Variants in TFEC observed in about 807,000 individuals in gnomAD.
TFEC encodes transcription factor EC, also known as class E basic helix-loop-helix protein 34.
A neutral mutation model predicts 41.6 loss-of-function variants in TFEC; 31 were observed. The observed-to-expected ratio is 0.74, with a 90% CI of 0.56 to 1.01. The LOEUF (loss-of-function observed/expected upper bound fraction) is 1.01. TFEC is among the 50% of genes least tolerant of loss of function. The pLI is 0.00. For missense variants in TFEC, 402 were observed against 404.1 expected (o/e 0.99, Z 0.04); for synonymous variants, 143 against 140.6 (o/e 1.02, Z -0.12).
intron 6 of TFEC, among the ~76,000 whole-genome samples, chr7:115,946,593 CTTTCTTTCTTTCTTT>C (rs1791574635): frequency 7.3e-6 from 1 of 137,004 alleles, no homozygotes; most frequent in Non-Finnish European, 1.6e-5. Context: ...CTCTTTCCTT[CTTTCTTTCTTTCTTT>C]TTTCTTTCTT....
chr7:116,113,190 A>G (rs1161522379), intron 1 of TFEC, among the ~76,000 whole-genome samples: 9 of 151,980 alleles, frequency 5.9e-5, no homozygotes, highest in Non-Finnish European at 4.4e-5. Flanking sequence ...ACTAACTCCT[A>G]GTACCTGTAA....
chr7:115,990,618 G>A (rs1465979240), intron 1 of TFEC, among the ~76,000 whole-genome samples: 4 of 152,106 alleles, frequency 2.6e-5, no homozygotes, highest in African/African-American at 7.2e-5. Context: ...TGATCAAGTG[G>A]AAGAAAGGGT....
At chr7:115,966,882 C>G (rs1184233416) in intron 3 of TFEC, among the ~76,000 whole-genome samples, 1 of 151,752 alleles carries the variant, frequency 6.6e-6, no homozygotes, top group Non-Finnish European at 1.5e-5. Context: ...CTCAGGCCAG[C>G]CTGGTTTATT....
intron 3 of TFEC, among the ~76,000 whole-genome samples, chr7:116,105,546 C>A (rs1227686514): frequency 6.6e-6 from 1 of 152,158 alleles, no homozygotes; most frequent in Non-Finnish European, 1.5e-5. Context: ...AATAGTCTAG[C>A]CTGGGCTCTG....
At chr7:115,985,795 A>C (rs1284727148) in intron 1 of TFEC, among the ~76,000 whole-genome samples, 1 of 152,140 alleles carries the variant, frequency 6.6e-6, no homozygotes, top group Non-Finnish European at 1.5e-5. Context: ...TTGTAAAATA[A>C]CATTTCATTA....
At chr7:116,056,326 G>A (rs1796429943) in intron 3 of TFEC, among the ~76,000 whole-genome samples, 1 of 152,132 alleles carries the variant, frequency 6.6e-6, no homozygotes, top group South Asian at 2.1e-4. Flanking sequence ...GTAGTATTGG[G>A]AGACTAGGTA....
upstream of TFEC, among the ~76,000 whole-genome samples, chr7:116,031,598 G>C (rs568099865): frequency 6.6e-6 from 1 of 152,108 alleles, no homozygotes; most frequent in Non-Finnish European, 1.5e-5. Flanking sequence ...AAAAATATAT[G>C]CAAAGCAAGG....
chr7:116,039,409 CAAA>C (rs1795981483), intron 3 of TFEC, among the ~76,000 whole-genome samples: 1 of 147,998 alleles, frequency 6.8e-6, no homozygotes, highest in Non-Finnish European at 1.5e-5. Context: ...AAAACTAAAA[CAAA>C]AGAAAATTCT....
chr7:115,977,002 T>C (rs908811114), intron 2 of TFEC, among the ~76,000 whole-genome samples: 4 of 152,158 alleles, frequency 2.6e-5, no homozygotes, highest in African/African-American at 9.7e-5. Context: ...AACACTACTA[T>C]CCCTCATTTC....
chr7:116,028,619 G>A (rs1361810526), intron 1 of TFEC, among the ~76,000 whole-genome samples: 3 of 152,068 alleles, frequency 2.0e-5, no homozygotes, highest in African/African-American at 7.2e-5. Context: ...CACCTTTCTG[G>A]ATCTGCTATC....
At chr7:116,020,455 A>C (rs1051279722) in intron 1 of TFEC, among the ~76,000 whole-genome samples, 17 of 152,174 alleles carry the variant, frequency 1.1e-4, no homozygotes, top group Admixed American at 6.5e-5. Context: ...TAACACATAA[A>C]ATTTAAATAT....
At chr7:116,123,530 A>T (rs927904309) in intron 1 of TFEC, among the ~76,000 whole-genome samples, 2 of 152,102 alleles carry the variant, frequency 1.3e-5, no homozygotes, top group South Asian at 2.1e-4. Flanking sequence ...CTACAAAAAA[A>T]AAATTGAATG....
intron 3 of TFEC, among the ~76,000 whole-genome samples, chr7:116,050,460 A>C (rs1315680873): frequency 6.6e-6 from 1 of 152,228 alleles, no homozygotes; most frequent in Non-Finnish European, 1.5e-5. Context: ...GAAAAAATCA[A>C]ACAACCCCAT....
intron 1 of TFEC, among the ~76,000 whole-genome samples, chr7:115,986,966 C>A (rs1285062736): frequency 1.3e-5 from 2 of 151,806 alleles, no homozygotes; most frequent in Non-Finnish European, 2.9e-5. Flanking sequence ...CCAGATGAAA[C>A]AAGACAAGAA....
intron 3 of TFEC, among the ~76,000 whole-genome samples, chr7:116,075,054 G>A (rs1796924529): frequency 6.6e-6 from 1 of 152,046 alleles, no homozygotes. Context: ...TAATAGAGAG[G>A]GACTGCAAAT....
At chr7:115,953,999 C>T (rs1355504807) in intron 5 of TFEC, among the ~76,000 whole-genome samples, 1 of 152,094 alleles carries the variant, frequency 6.6e-6, no homozygotes, top group Non-Finnish European at 1.5e-5. Context: ...ACATTTAAGA[C>T]ATGACCAAGC....
At chr7:116,133,368 G>A (rs2116330866) in intron 1 of TFEC, among the ~76,000 whole-genome samples, 1 of 152,244 alleles carries the variant, frequency 6.6e-6, no homozygotes, top group African/African-American at 2.4e-5. Context: ...TGGCCAACAG[G>A]GTGAAACCCC....
intron 1 of TFEC, among the ~76,000 whole-genome samples, chr7:116,139,641 T>A (rs1798501289): frequency 6.6e-6 from 1 of 152,204 alleles, no homozygotes; most frequent in South Asian, 2.1e-4. Flanking sequence ...AAAACAATTC[T>A]GTGATAAACT....
chr7:115,996,475 C>T (rs1366707197), intron 1 of TFEC, among the ~76,000 whole-genome samples: 2 of 152,018 alleles, frequency 1.3e-5, no homozygotes, highest in Non-Finnish European at 1.5e-5. Flanking sequence ...CAGAGACATG[C>T]TGGCTTAGAT....
Sources: gnomAD v4.1 joint callset for allele counts (sites outside exome capture counted in the v4.1 genomes callset) on GRCh38, gnomAD v4.1.1 for gene constraint, MANE v1.5 for transcripts, NCBI Gene and HGNC (gene_info 2026-07-23, HGNC 2026-07-21) for gene names.